SGCZ: variants seen among roughly 807,000 people sequenced by gnomAD.
SGCZ encodes the protein zeta-sarcoglycan.
A neutral mutation model predicts 41.3 loss-of-function variants in SGCZ; 40 were observed. The ratio of observed to expected loss-of-function variants is 0.97; its 90% CI spans 0.75 to 1.26. The LOEUF (loss-of-function observed/expected upper bound fraction) is 1.26. SGCZ is among the 50% of genes most tolerant of loss of function. SGCZ has a pLI of 0.00. For synonymous variants in SGCZ, 206 were observed against 137.5 expected, an observed-to-expected ratio of 1.50 and a Z score of -3.49; for missense variants, 552 against 369.8, an observed-to-expected ratio of 1.49 and a Z score of -4.04.
intron 2 of SGCZ, among the ~76,000 whole-genome samples, chr8:14,426,717 G>A (rs914494537): frequency 7.2e-5 from 11 of 152,100 alleles, no homozygotes; most frequent in Non-Finnish European, 4.4e-5. Context: ...TAAAGAGCCT[G>A]AAACTCTCAC....
chr8:15,178,456 A>G (rs1488467347), intron 1 of SGCZ, among the ~76,000 whole-genome samples: 1 of 152,192 alleles, frequency 6.6e-6, no homozygotes, highest in African/African-American at 2.4e-5. Flanking sequence ...CATATTTTCA[A>G]ATACATAGTA....
At chr8:14,686,222 T>C (rs1271375699) in intron 1 of SGCZ, among the ~76,000 whole-genome samples, 1 of 152,136 alleles carries the variant, frequency 6.6e-6, no homozygotes, top group Non-Finnish European at 1.5e-5. Context: ...TTTGGAATCT[T>C]GGCTTCACCC....
rs374997889 is a variant in SGCZ at position 14,693,653 on chromosome 8, C to G, written c.40-138727G>C. Among the ~76,000 whole-genome samples the G allele has an allele frequency of 1.5e-3, 204 of 133,128 alleles. No individual in the cohort carries two copies. The South Asian group carries it at 0.02, about 13-fold the overall frequency. The allele number at this position is 133,128 out of a possible 152,430, so 87.3% of individuals were successfully genotyped here. ...TCGCCCAGGCTGGAGTGCAGTGGCG[C>G]GATCTCAGCTCACTGCAAGCTCCGC... is the stretch of plus-strand genomic sequence containing the variant. On this transcript the variant is annotated intron_variant, in intron 1 of 7. Transcript: ENST00000382080.
intron 2 of SGCZ, among the ~76,000 whole-genome samples, chr8:14,511,884 C>T (rs1158503892): frequency 1.3e-5 from 2 of 151,926 alleles, no homozygotes; most frequent in East Asian, 1.9e-4. Context: ...CTGGGTACCA[C>T]CAACATAGTC....
intron 1 of SGCZ, among the ~76,000 whole-genome samples, chr8:14,560,493 T>C (rs1309969511): frequency 2.0e-5 from 3 of 152,042 alleles, no homozygotes; most frequent in African/African-American, 7.2e-5. Context: ...GAAGACTGAA[T>C]GTTCCTCACT....
At position 14,602,735 on chromosome 8, in the gene SGCZ, G is replaced by A. The variant is rs117275012; in HGVS notation, c.40-47809C>T. ...CTGTTATTCTATACTGTCGTTGTCTGTTATAACTGAGTATAATATCCCTCA... is the reference window on the plus strand; with the variant it reads ...CTGTTATTCTATACTGTCGTTGTCTATTATAACTGAGTATAATATCCCTCA... On this transcript the variant is annotated intron_variant, in intron 1 of 7. Transcript: ENST00000382080. Among the ~76,000 whole-genome samples, 1,093 of 152,108 alleles carry A rather than the reference G, an allele frequency of 7.2e-3. 4 individuals are homozygous for A. Among genetic ancestry groups the A allele is most frequent in the South Asian group, 0.016 (75 of 4,818 alleles).
rs548588488 is a variant in SGCZ, at chr8:15,142,033, A to G, written c.39+95552T>C. ...GAAAGCTCAATTGGAAAGACCGAGTAGGAAAATTCTCAAGAGCTTATAAAG... is the reference window on the plus strand; with the variant it reads ...GAAAGCTCAATTGGAAAGACCGAGTGGGAAAATTCTCAAGAGCTTATAAAG... On this transcript the variant is annotated intron_variant, in intron 1 of 7. Transcript: ENST00000382080. Among the ~76,000 whole-genome samples the G allele has an allele frequency of 1.7e-4, 26 of 152,340 alleles. 1 individual carries two copies. In the South Asian group the frequency reaches 5.4e-3, roughly 32 times the overall value.
intron 1 of SGCZ, among the ~76,000 whole-genome samples, chr8:14,728,961 C>G (rs1271461441): frequency 6.6e-6 from 1 of 152,102 alleles, no homozygotes; most frequent in East Asian, 1.9e-4. Flanking sequence ...TCCTTTCATG[C>G]GAAGTCAATG....
chr8:14,966,238 G>T (rs1409156339), intron 1 of SGCZ, among the ~76,000 whole-genome samples: 2 of 151,616 alleles, frequency 1.3e-5, no homozygotes, highest in Non-Finnish European at 2.9e-5. Context: ...AAAAACAGGG[G>T]AAATATTGAT....
chr8:14,222,523 A>G (rs895869202), intron 4 of SGCZ, among the ~76,000 whole-genome samples: 10 of 152,022 alleles, frequency 6.6e-5, no homozygotes, highest in African/African-American at 2.4e-4. Flanking sequence ...ACTTTCATGC[A>G]TATAAATCAG....
At chr8:15,013,431 G>A (rs905203866) in intron 1 of SGCZ, among the ~76,000 whole-genome samples, 2 of 152,152 alleles carry the variant, frequency 1.3e-5, no homozygotes, top group East Asian at 3.9e-4. Flanking sequence ...ATCTATAACG[G>A]AAAGGAATAT....
At chr8:14,352,925 T>A (rs1803155035) in intron 2 of SGCZ, among the ~76,000 whole-genome samples, 1 of 152,062 alleles carries the variant, frequency 6.6e-6, no homozygotes, top group Non-Finnish European at 1.5e-5. Flanking sequence ...ATACATATCA[T>A]TTGACATTTG....
intron 1 of SGCZ, among the ~76,000 whole-genome samples, chr8:14,681,373 C>T (rs548657469): frequency 6.6e-5 from 10 of 152,200 alleles, no homozygotes; most frequent in African/African-American, 2.4e-4. Context: ...GGCTTCTATA[C>T]CCAACAAAAA....
At chr8:14,129,429 T>A in intron 5 of SGCZ, among the ~76,000 whole-genome samples, 1 of 148,000 alleles carries the variant, frequency 6.8e-6, no homozygotes, top group African/African-American at 2.5e-5. Flanking sequence ...TAAGGAAGAC[T>A]GAAAAATCCA....
chr8:14,200,526 G>C (rs1805419539), intron 4 of SGCZ, among the ~76,000 whole-genome samples: 1 of 152,252 alleles, frequency 6.6e-6, no homozygotes, highest in African/African-American at 2.4e-5. Flanking sequence ...GGATAAGGTA[G>C]AGAGCCCAGT....
Position 14,665,448 on chromosome 8 carries a change from T to C in SGCZ, c.40-110522A>G, listed in dbSNP as rs149039241. On this transcript the variant is annotated intron_variant, in intron 1 of 7. Coordinates refer to ENST00000382080, the MANE Select transcript of SGCZ (RefSeq NM_139167.4). ...TTGGCTTGGTTCCAAGTCTTTGCTA[T>C]TGTGAATAGTGCTGCAGTAAACATA... Among the ~76,000 whole-genome samples, 342 of 152,300 alleles carry C rather than the reference T, an allele frequency of 2.2e-3. 3 individuals are homozygous for C. Among genetic ancestry groups the C allele is most frequent in the Middle Eastern group, 3.4e-3 (1 of 294 alleles).
Position 15,148,541 on chromosome 8 carries a change from G to T in SGCZ, c.39+89044C>A, listed in dbSNP as rs568565625. On this transcript the variant is annotated intron_variant, in intron 1 of 7. Coordinates refer to ENST00000382080, the MANE Select transcript of SGCZ (RefSeq NM_139167.4). Reference sequence around the variant, plus strand: ...AGTCATAGGAATTGCAAGGCCATTTGCTCCCCATTGTCCTAAATATCCTCT... The same window carrying T: ...AGTCATAGGAATTGCAAGGCCATTTTCTCCCCATTGTCCTAAATATCCTCT... Among the ~76,000 whole-genome samples, 22 of 152,306 alleles carry T rather than the reference G, an allele frequency of 1.4e-4. No homozygotes were observed. The South Asian group carries it at 4.6e-3, about 32-fold the overall frequency.
At chr8:14,213,130 G>C (rs1412539070) in intron 4 of SGCZ, among the ~76,000 whole-genome samples, 1 of 152,118 alleles carries the variant, frequency 6.6e-6, no homozygotes, top group African/African-American at 2.4e-5. Context: ...GTAAGAAGGA[G>C]GGGATAAAAA....
chr8:14,607,257 A>T (rs1486650659), intron 1 of SGCZ, among the ~76,000 whole-genome samples: 1 of 152,204 alleles, frequency 6.6e-6, no homozygotes, highest in Non-Finnish European at 1.5e-5. Context: ...GGTCATCCCC[A>T]TATATTTGGC....
Sources: allele counts gnomAD v4.1 joint callset (sites outside exome capture counted in the v4.1 genomes callset), GRCh38; gene constraint gnomAD v4.1.1; transcripts MANE v1.5; gene names NCBI Gene and HGNC (gene_info 2026-07-23, HGNC 2026-07-21).